GPR142: variants seen among roughly 807,000 people sequenced by gnomAD.
GPR142 encodes the protein G-protein coupled receptor 142 long form.
In GPR142, 9 loss-of-function variants were observed where a neutral mutation model predicts 10.6. The observed-to-expected ratio is 0.85, with a 90% CI of 0.51 to 1.48. The LOEUF (loss-of-function observed/expected upper bound fraction) is 1.48, where lower values mean the gene tolerates loss of function less well. Among genes scored for constraint, GPR142 ranks in the 40% most tolerant of loss-of-function variants. The probability of loss-of-function intolerance (pLI) is 0.00; values close to 1 mark genes in which losing one functional copy is unlikely to be tolerated. For missense variants in GPR142, 482 were observed against 506.0 expected, an observed-to-expected ratio of 0.95 and a Z score of 0.45; for synonymous variants, 202 against 221.2, an observed-to-expected ratio of 0.91 and a Z score of 0.77.
In GPR142 at chr17:74,370,687, G is replaced by A. The variant is rs1156715015; in HGVS notation, c.253+8G>A. On this transcript the variant is annotated splice_region_variant and intron_variant, in intron 3 of 3. Transcript: ENST00000582579. ...TGGGCTTGGGGCTGCCTGGTGAGTG[G>A]GGAGCTGGGGTCTGGGGACTTGGGC... 18 of 1,608,628 alleles carry A rather than the reference G, an allele frequency of 1.1e-5. No individual in the cohort carries two copies. The highest frequency in any genetic ancestry group is 1.7e-4 in the Middle Eastern group (1 of 6,024).
In GPR142 at chr17:74,372,497, T is replaced by C; in HGVS notation, c.1022T>C (p.Ile341Thr). 1.2e-6 allele frequency: 2 copies of C among 1,613,696 alleles called. No individual in the cohort carries two copies. Among genetic ancestry groups the C allele is most frequent in the Non-Finnish European group, 1.7e-6 (2 of 1,180,052 alleles). ...TTCCGGGCCACTGTCCGACAGGTCA[T>C]CCACGATGCCTACCTGCCCTGCACT... ...KTFRATVRQV[I>T]HDAYLPCTLA... Residue 341 changes from isoleucine to threonine, a missense_variant, in exon 4 of 4, where the codon ATC (isoleucine) becomes ACC (threonine). Ile to Thr is a moderately conservative substitution (Grantham distance 89). Transcript: ENST00000582579.
intron 1 of GPR142, among the ~76,000 whole-genome samples, chr17:74,368,683 TCA>T (rs2055000737): frequency 6.6e-6 from 1 of 152,102 alleles, no homozygotes; most frequent in South Asian, 2.1e-4. Flanking sequence ...GCTGCTCTGG[TCA>T]CTCTTCCTCT....
intron 2 of GPR142, among the ~76,000 whole-genome samples, chr17:74,370,275 C>A (rs1567936769): frequency 6.6e-6 from 1 of 152,264 alleles, no homozygotes; most frequent in South Asian, 2.1e-4. Flanking sequence ...GGCAGCAGGC[C>A]GTGCTGCCAG....
chr17:74,372,192 C>A lies in GPR142; in HGVS notation c.717C>A (p.Gly239=). 6.2e-7 allele frequency: 1 copy of A among 1,614,186 alleles called. No individual in the cohort carries two copies. The change falls in exon 4 of 4, where the codon GGC becomes GGA. Residue 239 remains glycine (G), a synonymous_variant. Coordinates refer to ENST00000582579, the MANE Select transcript of GPR142 (RefSeq NM_001331076.1). ...TCACTGTCTATTTCATCCCTTGTGGCGTGTTCCTGGTCACCAACTCGGCCA... is the reference window on the plus strand; with the variant it reads ...TCACTGTCTATTTCATCCCTTGTGGAGTGTTCCTGGTCACCAACTCGGCCA... ...HCLTVYFIPC[G]VFLVTNSAII... is the part of the protein sequence containing the mutation.
intron 2 of GPR142, 68 bp from the exon 3 acceptor site, chr17:74,370,453 G>A: frequency 6.6e-7 from 1 of 1,521,746 alleles, no homozygotes; most frequent in East Asian, 2.3e-5. Flanking sequence ...CCAGGTCAGG[G>A]CGGGGCTGCG....
Position 74,370,609 on chromosome 17 carries a change from G to A in GPR142, c.183G>A (p.Glu61=). Reference sequence around the variant, plus strand: ...AAAGCCACTGGCCAGAGATCGCAGAGAGGTCCCCGTGTGTGGCTGGCGTCA... The same window carrying A: ...AAAGCCACTGGCCAGAGATCGCAGAAAGGTCCCCGTGTGTGGCTGGCGTCA... ...EFESHWPEIA[E]RSPCVAGVIP... Residue 61 remains glutamate (E), a synonymous_variant, in exon 3 of 4, where the codon GAG becomes GAA. Coordinates refer to ENST00000582579, the MANE Select transcript of GPR142 (RefSeq NM_001331076.1). 6.2e-7 allele frequency: 1 copy of A among 1,614,088 alleles called. No individual in the cohort carries two copies. Among genetic ancestry groups the A allele is most frequent in the Non-Finnish European group, 8.5e-7 (1 of 1,179,978 alleles).
Position 74,370,683 on chromosome 17 carries a change from A to G in GPR142, c.253+4A>G. On this transcript the variant is annotated splice_donor_region_variant and intron_variant, in intron 3 of 3. Transcript: ENST00000582579. ...CTGCTGGGCTTGGGGCTGCCTGGTGAGTGGGGAGCTGGGGTCTGGGGACTT... is the reference window on the plus strand; with the variant it reads ...CTGCTGGGCTTGGGGCTGCCTGGTGGGTGGGGAGCTGGGGTCTGGGGACTT... The G allele has an allele frequency of 2.5e-6, 4 of 1,609,808 alleles. No homozygotes were observed. Among genetic ancestry groups the G allele is most frequent in the Non-Finnish European group, 3.4e-6 (4 of 1,177,574 alleles).
At chr17:74,370,842 C>A (rs2382646) in intron 3 of GPR142, among the ~76,000 whole-genome samples, 163 bp downstream of exon 3, 114,896 of 152,102 alleles carry the variant, frequency 0.76, 44,609 homozygotes, top group East Asian at 0.95. Context: ...GAGGGGAATA[C>A]AAGTAAGGGG....
chr17:74,370,836 G>A (rs559376137), intron 3 of GPR142, among the ~76,000 whole-genome samples, 157 bp downstream of exon 3: 15 of 152,134 alleles, frequency 9.9e-5, no homozygotes, highest in Non-Finnish European at 1.5e-4. Context: ...TCACTGGAGG[G>A]GAATACAAGT....
At position 74,369,598 on chromosome 17, in the gene GPR142, G is replaced by A. The variant is rs894540856; in HGVS notation, c.58G>A (p.Gly20Arg). Residue 20 changes from glycine to arginine, a missense_variant, in exon 2 of 4, where the codon GGG becomes AGG. By Grantham distance (125) the Gly-to-Arg change is moderately radical. Transcript: ENST00000582579. Reference sequence around the variant, plus strand: ...AAAGCCACAGGTGACCCAGGACTCAGGGCCCCAGAGCATGGGGCTTGAGGG... The same window carrying A: ...AAAGCCACAGGTGACCCAGGACTCAAGGCCCCAGAGCATGGGGCTTGAGGG... The part of the protein sequence containing the change: ...QKKPQVTQDS[G>R]PQSMGLEGRE... 1.3e-6 allele frequency: 2 copies of A among 1,551,194 alleles called. No homozygotes were observed. The highest frequency in any genetic ancestry group is 1.7e-6 in the Non-Finnish European group (2 of 1,146,834).
In GPR142 at chr17:74,372,018, C is replaced by T. The variant is rs367978193; in HGVS notation, c.543C>T (p.Ala181=). The T allele has an allele frequency of 4.3e-6, 7 of 1,613,638 alleles. No homozygotes were observed. The highest frequency in any genetic ancestry group is 5.9e-6 in the Non-Finnish European group (7 of 1,179,976). Reference sequence around the variant, plus strand: ...GCCACCCCCTGCACCATCGGGCCGCCTCGTCCCCAGGCCGGACCCGCCGGG... The same window carrying T: ...GCCACCCCCTGCACCATCGGGCCGCTTCGTCCCCAGGCCGGACCCGCCGGG... ...ALCHPLHHRA[A]SSPGRTRRAI... The change falls in exon 4 of 4, where the codon GCC becomes GCT. Residue 181 remains alanine, a synonymous_variant. Transcript: ENST00000582579.
At chr17:74,369,216 CCCATCCTG>C (rs927790377) in intron 1 of GPR142, among the ~76,000 whole-genome samples, 2 of 151,828 alleles carry the variant, frequency 1.3e-5, no homozygotes, top group African/African-American at 2.4e-5. Context: ...CCCCAGAACC[CCCATCCTG>C]CCATCCTGCC....
chr17:74,372,290 T>C lies in GPR142; in HGVS notation c.815T>C (p.Leu272Pro). The C allele has an allele frequency of 6.2e-7, 1 of 1,613,798 alleles. No homozygotes were observed. The highest frequency in any genetic ancestry group is 8.5e-7 in the Non-Finnish European group (1 of 1,179,674). The change falls in exon 4 of 4, where the codon CTG becomes CCG. Residue 272 changes from leucine (L) to proline (P), a missense_variant. Leu to Pro is a moderately conservative substitution (Grantham distance 98). Transcript: ENST00000582579. ...PRVGKSTAIL[L>P]GITTLFTLLW... is the part of the protein sequence containing the mutation. ...GTGGGCAAGAGCACAGCCATCCTCC[T>C]GGGCATCACCACACTGTTCACCCTC...
Position 74,369,483 on chromosome 17 carries a change from A to G in GPR142, c.-58A>G, listed in dbSNP as rs201040425. ...GCACTAACAGGCTCAGTGTCTGCGT[A>G]AGGATCCTGGGGCAAACAACCACTT... On this transcript the variant is annotated 5_prime_UTR_variant, in exon 2 of 4. The change abolishes the stop of an existing upstream ORF in the 5' untranslated region. Coordinates refer to ENST00000582579, the MANE Select transcript of GPR142 (RefSeq NM_001331076.1). 187 of 1,557,472 alleles carry G rather than the reference A, an allele frequency of 1.2e-4. 2 individuals are homozygous for G. The African/African-American group carries it at 1.8e-3, about 15-fold the overall frequency.
intron 3 of GPR142, among the ~76,000 whole-genome samples, chr17:74,370,975 C>G (rs2055019400): frequency 2.0e-5 from 3 of 152,076 alleles, no homozygotes; most frequent in Admixed American, 6.6e-5. Flanking sequence ...GCTGCCCATG[C>G]CTTCAGAGAG....
Position 74,371,962 on chromosome 17 carries a change from C to G in GPR142, c.487C>G (p.Leu163Val), listed in dbSNP as rs367585928. 3.4e-5 allele frequency: 55 copies of G among 1,612,700 alleles called. No homozygotes were observed. The highest frequency in any genetic ancestry group is 2.2e-5 in the South Asian group (2 of 91,080). The part of the protein sequence containing the change: ...ANHASVWIAI[L>V]LTVDRYTALC... ...CCACGCCTCAGTCTGGATCGCCATC[C>G]TGCTCACGGTTGACCGCTACACTGC... Residue 163 changes from leucine (L) to valine (V), a missense_variant, in exon 4 of 4, where the codon CTG becomes GTG. By Grantham distance (32) the Leu-to-Val change is conservative (BLOSUM62 1). Transcript: ENST00000582579.
chr17:74,370,505 C>T lies in GPR142; in HGVS notation c.95-16C>T, dbSNP rs777363705. 14 of 1,601,428 alleles carry T rather than the reference C, an allele frequency of 8.7e-6. No homozygotes were observed. Among genetic ancestry groups the T allele is most frequent in the Non-Finnish European group, 1.1e-5 (13 of 1,173,144 alleles). On this transcript the variant is annotated splice_polypyrimidine_tract_variant and intron_variant, in intron 2 of 3. Transcript: ENST00000582579. ...ATAGACCAGAGGCTCTGACTCTGCC[C>T]ATCCGCACCTTCTAGCTGGCCAGCC...
intron 3 of GPR142, among the ~76,000 whole-genome samples, chr17:74,371,434 A>G (rs2055023710): frequency 6.6e-6 from 1 of 152,146 alleles, no homozygotes; most frequent in Non-Finnish European, 1.5e-5. Context: ...GCTGGATTAC[A>G]GGCGTGAGCC....
chr17:74,371,673 C>T lies in GPR142; in HGVS notation c.254-56C>T, dbSNP rs1345679525. On this transcript the variant is annotated intron_variant, in intron 3 of 3. Transcript: ENST00000582579. ...GGTGCGATGGCGACACCTTGGAAAG[C>T]AGAGTCTGAGCTCTCTTCTGATGCC... is the stretch of plus-strand genomic sequence containing the variant. 5 of 1,521,272 alleles carry T rather than the reference C, an allele frequency of 3.3e-6. No homozygotes were observed. In the East Asian group the frequency reaches 1.1e-4, roughly 35 times the overall value. The allele number at this position is 1,521,272 out of a possible 1,614,324, so 94.2% of individuals were successfully genotyped here. A position where few individuals can be genotyped will look rare whatever the true frequency, so the allele number is the denominator to read the frequency against.
Sources: gnomAD v4.1 joint callset for allele counts (sites outside exome capture counted in the v4.1 genomes callset) on GRCh38, gnomAD v4.1.1 for gene constraint, MANE v1.5 for transcripts, NCBI Gene and HGNC (gene_info 2026-07-23, HGNC 2026-07-21) for gene names.